The following MKX variants were observed in gnomAD, a reference collection of about 807,000 sequenced individuals.
MKX encodes the protein homeobox protein Mohawk.
In MKX, 13 loss-of-function variants were observed where a neutral mutation model predicts 36.0. The observed-to-expected ratio is 0.36, with a 90% CI of 0.24 to 0.57. MKX has a LOEUF of 0.57. MKX is among the 20% of genes least tolerant of loss of function. The pLI is 0.79. For missense variants in MKX, 458 were observed against 456.4 expected (o/e 1.00, Z -0.03); for synonymous variants, 176 against 178.3 (o/e 0.99, Z 0.10).
intron 5 of MKX, among the ~76,000 whole-genome samples, chr10:27,732,810 T>C (rs1469721129): frequency 6.6e-6 from 1 of 152,132 alleles, no homozygotes; most frequent in Non-Finnish European, 1.5e-5. Context: ...TGCAGTGGCA[T>C]GATCACGGCT....
chr10:27,736,823 T>G (rs991323081), intron 3 of MKX, among the ~76,000 whole-genome samples: 6 of 152,148 alleles, frequency 3.9e-5, no homozygotes, highest in Non-Finnish European at 8.8e-5. Flanking sequence ...TCTTTGTACC[T>G]GAAGCAATGA....
chr10:27,730,703 C>T (rs1834605443), intron 5 of MKX, among the ~76,000 whole-genome samples: 1 of 151,874 alleles, frequency 6.6e-6, no homozygotes, highest in South Asian at 2.1e-4. Flanking sequence ...GGTGATCTGC[C>T]TGCCTCGGCC....
At chr10:27,708,210 G>A (rs547642053) in intron 5 of MKX, among the ~76,000 whole-genome samples, 16 of 152,150 alleles carry the variant, frequency 1.1e-4, no homozygotes, top group Non-Finnish European at 2.4e-4. Context: ...GCTGGCCGTA[G>A]AGAACTCAGA....
chr10:27,716,024 A>C (rs1410888881), intron 5 of MKX, among the ~76,000 whole-genome samples: 1 of 152,190 alleles, frequency 6.6e-6, no homozygotes, highest in African/African-American at 2.4e-5. Flanking sequence ...AAGGTTTTAG[A>C]GTCAAACAGA....
At chr10:27,713,409 GAAGTT>G (rs2132599096) in intron 5 of MKX, among the ~76,000 whole-genome samples, 1 of 152,326 alleles carries the variant, frequency 6.6e-6, no homozygotes, top group East Asian at 1.9e-4. Flanking sequence ...TGTACAAAAG[GAAGTT>G]AAGAGTGACT....
At position 27,722,350 on chromosome 10, in the gene MKX, T is replaced by C. The variant is rs139999895; in HGVS notation, c.838+12106A>G. Reference sequence around the variant, plus strand: ...GCTCAGAGCCCAAGTTCTGTTCTAATAGAGACATTGCGGTGTGCATTTAGC... The same window carrying C: ...GCTCAGAGCCCAAGTTCTGTTCTAACAGAGACATTGCGGTGTGCATTTAGC... On this transcript the variant is annotated intron_variant, in intron 5 of 6. Coordinates refer to ENST00000419761, the MANE Select transcript of MKX (RefSeq NM_173576.3). Among the ~76,000 whole-genome samples, 60 of 152,330 alleles carry C rather than the reference T, an allele frequency of 3.9e-4. No homozygotes were observed. The South Asian group carries it at 4.3e-3, about 11-fold the overall frequency.
At chr10:27,732,348 T>A (rs1486284668) in intron 5 of MKX, among the ~76,000 whole-genome samples, 3 of 152,188 alleles carry the variant, frequency 2.0e-5, no homozygotes, top group Admixed American at 2.0e-4. Context: ...ATTTAAAACT[T>A]TTCTTGTTTA....
intron 5 of MKX, chr10:27,718,538 T>A (rs1834297789): frequency 4.9e-6 from 2 of 411,894 alleles, no homozygotes; most frequent in Admixed American, 2.8e-5. Context: ...AATTCTTAGC[T>A]CCTTGTTTTT....
chr10:27,699,992 C>T (rs1475298684), intron 5 of MKX, among the ~76,000 whole-genome samples: 2 of 152,192 alleles, frequency 1.3e-5, no homozygotes, highest in East Asian at 1.9e-4. Flanking sequence ...TTATACAGAG[C>T]AGTCATCTGC....
intron 5 of MKX, among the ~76,000 whole-genome samples, chr10:27,686,251 T>C (rs2815558): frequency 0.69 from 104,047 of 151,782 alleles, 40,038 homozygotes; most frequent in Non-Finnish European, 0.89. Flanking sequence ...GGACCTAGTA[T>C]TTTTTTTCTT....
chr10:27,733,668 T>C (rs1413761221), intron 5 of MKX, among the ~76,000 whole-genome samples: 2 of 152,204 alleles, frequency 1.3e-5, no homozygotes, highest in African/African-American at 4.8e-5. Context: ...CCAGACTCTG[T>C]CTACACCAGA....
rs529702172 is a variant in MKX, at chr10:27,705,423, T to C, written c.838+29033A>G. 1.1e-4 allele frequency among the ~76,000 whole-genome samples: 17 copies of C among 152,294 alleles called. No individual in the cohort carries two copies. The South Asian group carries it at 3.5e-3, about 32-fold the overall frequency. ...AAGCTGGAGTGCAGTGGCACGGTCA[T>C]ACCTCAGTGCAGACTCAAACTTCTG... On this transcript the variant is annotated intron_variant, in intron 5 of 6. Transcript: ENST00000419761.
chr10:27,678,822 C>T (rs529856816), intron 5 of MKX, among the ~76,000 whole-genome samples: 7 of 152,276 alleles, frequency 4.6e-5, no homozygotes, highest in African/African-American at 1.7e-4. Context: ...CTGAGAAACA[C>T]GTTTACTGCA....
chr10:27,711,940 A>G (rs1400755862), intron 5 of MKX, among the ~76,000 whole-genome samples: 2 of 152,184 alleles, frequency 1.3e-5, no homozygotes, highest in Middle Eastern at 3.4e-3. Context: ...GTAGACTGAT[A>G]AGCATGAACC....
chr10:27,687,315 AT>A (rs1209539466), intron 5 of MKX, among the ~76,000 whole-genome samples: 58 of 152,218 alleles, frequency 3.8e-4, no homozygotes, highest in African/African-American at 1.4e-3. Flanking sequence ...ACACTTCTCT[AT>A]TTTGAACCAA....
At chr10:27,701,680 TATAA>T (rs1440950898) in intron 5 of MKX, among the ~76,000 whole-genome samples, 2 of 145,452 alleles carry the variant, frequency 1.4e-5, no homozygotes, top group Non-Finnish European at 3.0e-5. Context: ...TTTTATATTG[TATAA>T]ATATATTAAT....
Position 27,741,423 on chromosome 10 carries a change from G to A in MKX, c.270C>T (p.Tyr90=). The change falls in exon 3 of 7, where the codon TAC becomes TAT. Residue 90 remains tyrosine (Y), a synonymous_variant. Coordinates refer to ENST00000419761, the MANE Select transcript of MKX (RefSeq NM_173576.3). This position sits in a 1 kb window ranked among gnomAD's most constrained non-coding sequence, Gnocchi z 5.1. The part of the protein sequence containing the change: ...DMARPLKQWL[Y]KHRDNPYPTK... ...TGGGGTACGGGTTGTCACGGTGCTTGTAAAGCCACTGCTTGAGGGGTCGCG... is the reference window on the plus strand; with the variant it reads ...TGGGGTACGGGTTGTCACGGTGCTTATAAAGCCACTGCTTGAGGGGTCGCG... 1 of 1,612,986 alleles carries A rather than the reference G, an allele frequency of 6.2e-7. No individual in the cohort carries two copies. Among genetic ancestry groups the A allele is most frequent in the Non-Finnish European group, 8.5e-7 (1 of 1,179,554 alleles).
At chr10:27,689,034 A>G (rs1174212218) in intron 5 of MKX, among the ~76,000 whole-genome samples, 1 of 152,220 alleles carries the variant, frequency 6.6e-6, no homozygotes, top group Non-Finnish European at 1.5e-5. Context: ...TCTCTGAAAA[A>G]CCATCAAAAA....
chr10:27,739,031 G>T (rs1051485874), intron 3 of MKX, among the ~76,000 whole-genome samples: 4 of 152,034 alleles, frequency 2.6e-5, no homozygotes, highest in African/African-American at 9.7e-5. Context: ...CAGAATCTAG[G>T]AACATAGCAG....
Sources: gnomAD v4.1 joint callset for allele counts (sites outside exome capture counted in the v4.1 genomes callset) on GRCh38, gnomAD v4.1.1 for gene constraint, Gnocchi (gnomAD v3.1) non-coding constraint, MANE v1.5 for transcripts, NCBI Gene and HGNC (gene_info 2026-07-23, HGNC 2026-07-21) for gene names.